MAML3: variants seen among roughly 807,000 people sequenced by gnomAD.
The protein encoded by MAML3 is mastermind like transcriptional coactivator 3.
In MAML3, 27 loss-of-function variants were observed where a neutral mutation model predicts 101.9. The observed-to-expected ratio is 0.27, with a 90% CI of 0.20 to 0.37. MAML3 has a LOEUF of 0.37. Among genes scored for constraint, MAML3 ranks in the 10% least tolerant of loss-of-function variants. MAML3 has a pLI of 1.00. For synonymous variants in MAML3, 501 were observed against 555.9 expected (o/e 0.90, Z 1.39); for missense variants, 1,316 against 1,444.9 (o/e 0.91, Z 1.45).
chr4:140,019,225 T>A (rs1726695296), intron 1 of MAML3, among the ~76,000 whole-genome samples: 2 of 152,132 alleles, frequency 1.3e-5, no homozygotes, highest in African/African-American at 4.8e-5. Context: ...ACTGACAAAA[T>A]CCTAATAAAT....
rs1729914250 is a variant in MAML3, at chr4:139,768,723, G to A, written c.2080-38056C>T. On this transcript the variant is annotated intron_variant, in intron 2 of 4. Coordinates refer to ENST00000509479, the MANE Select transcript of MAML3 (RefSeq NM_018717.5). ...GTGGGCCAGGGCAGAGACCAGTCCT[G>A]CTGCAGCACCCCATGGTGCTGGCTG... 2.0e-5 allele frequency among the ~76,000 whole-genome samples: 3 copies of A among 152,222 alleles called. No individual in the cohort carries two copies. The South Asian group carries it at 6.2e-4, about 31-fold the overall frequency.
intron 1 of MAML3, among the ~76,000 whole-genome samples, chr4:140,065,324 AAGCCG>A (rs1244910321): frequency 5.9e-5 from 9 of 152,036 alleles, no homozygotes; most frequent in African/African-American, 1.9e-4. Context: ...ATCAAGGTAG[AAGCCG>A]ATCTCTCTAG....
chr4:139,811,698 A>G (rs1385871585), intron 2 of MAML3, among the ~76,000 whole-genome samples: 2 of 152,234 alleles, frequency 1.3e-5, no homozygotes, highest in African/African-American at 2.4e-5. Flanking sequence ...GCAGTTAAAC[A>G]TTGAGGACTG....
Position 139,889,780 on chromosome 4 carries a change from A to T in MAML3, c.1656T>A (p.Pro552=). ...GGTTGTTTGCCATTGGAGGCACTATAGGGTTTTGGTTGTTAAAGGCTTGGG... is the reference window on the plus strand; with the variant it reads ...GGTTGTTTGCCATTGGAGGCACTATTGGGTTTTGGTTGTTAAAGGCTTGGG... ...MYPQAFNNQN[P]IVPPMANNLQ... is the part of the protein sequence containing the mutation. Residue 552 remains proline (P), a synonymous_variant, in exon 2 of 5, where the codon CCT becomes CCA. Coordinates refer to ENST00000509479, the MANE Select transcript of MAML3 (RefSeq NM_018717.5). 6.2e-7 allele frequency: 1 copy of T among 1,613,938 alleles called. No individual in the cohort carries two copies. The highest frequency in any genetic ancestry group is 8.5e-7 in the Non-Finnish European group (1 of 1,179,884).
chr4:139,761,215 C>T (rs1729750955), intron 2 of MAML3, among the ~76,000 whole-genome samples: 1 of 152,266 alleles, frequency 6.6e-6, no homozygotes, highest in East Asian at 1.9e-4. Context: ...CTGCCTCAGC[C>T]TCCCAAAGTT....
At position 139,889,595 on chromosome 4, in the gene MAML3, T is replaced by C; in HGVS notation, c.1841A>G (p.Gln614Arg). ...PLTHFNADLS[Q>R]RMTPPVANPN... is the part of the protein sequence containing the mutation. ...GTTGGCCACTGGTGGTGTCATCCTC[T>C]GACTCAGGTCTGCATTGAAGTGGGT... The change falls in exon 2 of 5, where the codon CAG (glutamine) becomes CGG (arginine). Residue 614 changes from glutamine to arginine, a missense_variant. Transcript: ENST00000509479. The C allele has an allele frequency of 6.2e-7, 1 of 1,613,988 alleles. No individual in the cohort carries two copies. Among genetic ancestry groups the C allele is most frequent in the Non-Finnish European group, 8.5e-7 (1 of 1,179,886 alleles).
At chr4:140,099,797 C>T (rs190907785) in intron 1 of MAML3, among the ~76,000 whole-genome samples, 19 of 152,296 alleles carry the variant, frequency 1.2e-4, no homozygotes, top group Admixed American at 1.0e-3. Context: ...CATTCTATCA[C>T]TCAGTTTCAT....
chr4:139,834,885 C>T (rs1421421890), intron 2 of MAML3, among the ~76,000 whole-genome samples: 2 of 152,042 alleles, frequency 1.3e-5, no homozygotes, highest in African/African-American at 2.4e-5. Flanking sequence ...GGGTATGAAC[C>T]GTGAAATAGG....
intron 1 of MAML3, among the ~76,000 whole-genome samples, chr4:139,965,329 C>A (rs1734108945): frequency 6.6e-6 from 1 of 151,794 alleles, no homozygotes; most frequent in Admixed American, 6.6e-5. Context: ...GAGAGTTGAA[C>A]CTTTCCATTT....
chr4:140,153,528 G>A lies in MAML3; in HGVS notation c.-201C>T, dbSNP rs1729217223. ...GGTTTTTGTTTCCTTTTTTTAAACT[G>A]TAAAAGCTCAAGGGGAAGAAAAGGG... On this transcript the variant is annotated 5_prime_UTR_variant, in exon 1 of 5. Coordinates refer to ENST00000509479, the MANE Select transcript of MAML3 (RefSeq NM_018717.5). 3.5e-6 allele frequency: 2 copies of A among 565,222 alleles called. No homozygotes were observed. Among genetic ancestry groups the A allele is most frequent in the Non-Finnish European group, 6.0e-6 (2 of 332,916 alleles). The allele number at this position is 565,222 out of a possible 1,614,324, so 35.0% of individuals were successfully genotyped here.
At chr4:139,771,568 G>T (rs1729980824) in intron 2 of MAML3, among the ~76,000 whole-genome samples, 1 of 152,194 alleles carries the variant, frequency 6.6e-6, no homozygotes, top group Admixed American at 6.5e-5. Flanking sequence ...GGGACTACAG[G>T]ATGTAAAATA....
intron 2 of MAML3, among the ~76,000 whole-genome samples, chr4:139,820,722 A>C (rs1730958998): frequency 6.6e-6 from 1 of 152,236 alleles, no homozygotes; most frequent in African/African-American, 2.4e-5. Flanking sequence ...ATACTTCAAT[A>C]GCCATGAAAT....
chr4:139,745,591 C>T (rs1219326503), intron 2 of MAML3, among the ~76,000 whole-genome samples: 1 of 152,164 alleles, frequency 6.6e-6, no homozygotes, highest in Non-Finnish European at 1.5e-5. Context: ...GGTCTGGGAT[C>T]CCACCTCCTC....
intron 1 of MAML3, among the ~76,000 whole-genome samples, chr4:140,099,762 C>T (rs949907074): frequency 2.0e-5 from 3 of 152,220 alleles, no homozygotes; most frequent in African/African-American, 7.2e-5. Flanking sequence ...CCTTCCCCAA[C>T]ACACCTCTCA....
At chr4:139,934,731 C>G (rs892133196) in intron 1 of MAML3, among the ~76,000 whole-genome samples, 3 of 152,182 alleles carry the variant, frequency 2.0e-5, no homozygotes, top group Non-Finnish European at 4.4e-5. Context: ...AAACCAAACT[C>G]AACCACTAAA....
chr4:139,748,497 A>G (rs1470880565), intron 2 of MAML3, among the ~76,000 whole-genome samples: 1 of 152,210 alleles, frequency 6.6e-6, no homozygotes, highest in Non-Finnish European at 1.5e-5. Context: ...AGAACAGGAC[A>G]AAATGCATCA....
intron 2 of MAML3, among the ~76,000 whole-genome samples, chr4:139,864,654 G>T (rs539294810): frequency 2.6e-5 from 3 of 115,908 alleles, no homozygotes; most frequent in African/African-American, 1.1e-4. Flanking sequence ...CCAGCCTGGC[G>T]ACAGAGCGAG....
intron 2 of MAML3, among the ~76,000 whole-genome samples, chr4:139,788,037 G>A (rs1360180618): frequency 6.6e-6 from 1 of 152,230 alleles, no homozygotes; most frequent in Admixed American, 6.5e-5. Context: ...TATGCTAAGT[G>A]ACATGTAAAA....
chr4:139,951,277 C>G (rs985581723), intron 1 of MAML3, among the ~76,000 whole-genome samples: 1 of 152,228 alleles, frequency 6.6e-6, no homozygotes, highest in East Asian at 1.9e-4. Flanking sequence ...AGCAGCCACG[C>G]TGCCTTCAGT....
Sources: gnomAD v4.1 joint callset for allele counts (sites outside exome capture counted in the v4.1 genomes callset) on GRCh38, gnomAD v4.1.1 for gene constraint, MANE v1.5 for transcripts, NCBI Gene and HGNC (gene_info 2026-07-23, HGNC 2026-07-21) for gene names.